SPOCK1: variants seen among roughly 807,000 people sequenced by gnomAD.
The protein encoded by SPOCK1 is SPARC (osteonectin), cwcv and kazal like domains proteoglycan 1.
SPOCK1 carries 23 observed loss-of-function variants against 55.3 expected under a neutral mutation model. That is an observed-to-expected ratio of 0.42 (90% confidence interval 0.30 to 0.59). SPOCK1 has a LOEUF of 0.59. Ranked by LOEUF, SPOCK1 falls within the 20% of genes least tolerant of loss-of-function variation. The pLI is 0.22. For missense variants in SPOCK1, 499 were observed against 552.5 expected, an observed-to-expected ratio of 0.90 and a Z score of 0.97; for synonymous variants, 226 against 221.0, an observed-to-expected ratio of 1.02 and a Z score of -0.20.
At chr5:137,204,947 C>T (rs1755493474) in intron 3 of SPOCK1, among the ~76,000 whole-genome samples, 1 of 152,202 alleles carries the variant, frequency 6.6e-6, no homozygotes, top group Non-Finnish European at 1.5e-5. Context: ...CTCCACCACC[C>T]TTTGCTTGGC....
intron 7 of SPOCK1, among the ~76,000 whole-genome samples, chr5:136,990,951 G>A (rs1750938118): frequency 6.6e-6 from 1 of 152,054 alleles, no homozygotes; most frequent in African/African-American, 2.4e-5. Context: ...AGAGTGCAGG[G>A]ACCAAGCAGG....
chr5:137,406,797 A>G (rs1010358946), intron 2 of SPOCK1, among the ~76,000 whole-genome samples: 1 of 152,208 alleles, frequency 6.6e-6, no homozygotes, highest in Non-Finnish European at 1.5e-5. Context: ...ACCTCACCCC[A>G]GTGTTCACAC....
intron 2 of SPOCK1, chr5:137,365,474 T>C (rs1354007532): frequency 1.3e-5 from 2 of 152,210 alleles, no homozygotes. Flanking sequence ...GTTTCTCTCT[T>C]TAAATAGAGG....
At chr5:137,284,919 T>G (rs1757233343) in intron 2 of SPOCK1, among the ~76,000 whole-genome samples, 1 of 135,940 alleles carries the variant, frequency 7.4e-6, no homozygotes, top group Non-Finnish European at 1.6e-5. Flanking sequence ...GGCTCCTGGG[T>G]AGAGATGGGC....
intron 3 of SPOCK1, among the ~76,000 whole-genome samples, chr5:137,218,092 G>C (rs1755755414): frequency 6.6e-6 from 1 of 152,162 alleles, no homozygotes; most frequent in African/African-American, 2.4e-5. Flanking sequence ...CCACTGACTT[G>C]TGACCACAAA....
chr5:136,998,174 G>A (rs904425146), intron 6 of SPOCK1, among the ~76,000 whole-genome samples: 1 of 152,140 alleles, frequency 6.6e-6, no homozygotes, highest in Non-Finnish European at 1.5e-5. Context: ...TTGTATTGTT[G>A]TGCGTTTTTT....
At chr5:137,356,320 G>A (rs543174114) in intron 2 of SPOCK1, among the ~76,000 whole-genome samples, 1 of 152,304 alleles carries the variant, frequency 6.6e-6, no homozygotes, top group East Asian at 1.9e-4. Context: ...ATGCATAAGA[G>A]ATCTTGGTAT....
At chr5:137,339,425 C>A (rs970918470) in intron 2 of SPOCK1, among the ~76,000 whole-genome samples, 1 of 152,140 alleles carries the variant, frequency 6.6e-6, no homozygotes, top group Non-Finnish European at 1.5e-5. Context: ...TATATAAAGG[C>A]CTTTAAGACT....
intron 2 of SPOCK1, among the ~76,000 whole-genome samples, chr5:137,283,134 C>T (rs976736029): frequency 6.6e-6 from 1 of 152,154 alleles, no homozygotes; most frequent in Admixed American, 6.5e-5. Flanking sequence ...TCCTTGGGGA[C>T]GGAGCTGCCT....
chr5:137,271,900 G>A (rs961560974), intron 2 of SPOCK1, among the ~76,000 whole-genome samples: 10 of 152,218 alleles, frequency 6.6e-5, no homozygotes, highest in Middle Eastern at 3.4e-3. Context: ...GAACCCTGCC[G>A]TTTCATCTGA....
chr5:137,369,851 C>T (rs982094053), intron 2 of SPOCK1, among the ~76,000 whole-genome samples: 14 of 152,154 alleles, frequency 9.2e-5, no homozygotes, highest in Non-Finnish European at 4.4e-5. Flanking sequence ...ATGAAGTCTA[C>T]ACCCCCATGA....
chr5:137,336,315 G>A (rs1380278087), intron 2 of SPOCK1, among the ~76,000 whole-genome samples: 2 of 152,168 alleles, frequency 1.3e-5, no homozygotes, highest in Admixed American at 6.5e-5. Context: ...AGGCCCTGCA[G>A]CCTGGTTTGC....
chr5:137,475,568 CTTTATTTATTTA>C lies in SPOCK1; in HGVS notation c.186+22793_186+22804del, dbSNP rs34929130. Reference sequence around the variant, plus strand: ...ATAATTAATGTATCACCTAAAGTATCTTTATTTATTTATTTATTTATTTATTTATTTTGAGAC... The same window carrying C: ...ATAATTAATGTATCACCTAAAGTATCTTTATTTATTTATTTATTTTGAGAC... On this transcript the variant is annotated intron_variant, in intron 2 of 10. Transcript: ENST00000394945. Among the ~76,000 whole-genome samples, 4 of 150,108 alleles carry C rather than the reference CTTTATTTATTTA, an allele frequency of 2.7e-5. No homozygotes were observed. The East Asian group carries it at 5.8e-4, about 22-fold the overall frequency.
At chr5:137,235,637 T>G (rs866012239) in intron 3 of SPOCK1, among the ~76,000 whole-genome samples, 7 of 152,254 alleles carry the variant, frequency 4.6e-5, no homozygotes, top group African/African-American at 9.6e-5. Flanking sequence ...CGTGTCTGTG[T>G]GAAAACACTG....
intron 2 of SPOCK1, among the ~76,000 whole-genome samples, chr5:137,329,955 A>G (rs1351794228): frequency 6.6e-6 from 1 of 152,120 alleles, no homozygotes; most frequent in Non-Finnish European, 1.5e-5. Context: ...CTGGCCCTCA[A>G]ACTAGGCTCA....
At chr5:137,162,468 A>G (rs1227235228) in intron 3 of SPOCK1, among the ~76,000 whole-genome samples, 1 of 152,036 alleles carries the variant, frequency 6.6e-6, no homozygotes, top group East Asian at 1.9e-4. Context: ...AAGACTATGA[A>G]AGAATGTGTG....
At chr5:137,356,447 C>G (rs527670554) in intron 2 of SPOCK1, among the ~76,000 whole-genome samples, 1 of 152,024 alleles carries the variant, frequency 6.6e-6, no homozygotes, top group East Asian at 2.0e-4. Context: ...TCTTTTGTTG[C>G]TGTTGTCATT....
At chr5:137,347,986 G>A (rs919194218) in intron 2 of SPOCK1, among the ~76,000 whole-genome samples, 1 of 152,188 alleles carries the variant, frequency 6.6e-6, no homozygotes, top group Non-Finnish European at 1.5e-5. Context: ...GTCAGCAGCA[G>A]GGCCTGGCTT....
chr5:137,358,227 C>CA (rs1050962775), intron 2 of SPOCK1, among the ~76,000 whole-genome samples: 6 of 151,770 alleles, frequency 4.0e-5, no homozygotes, highest in Non-Finnish European at 8.8e-5. Flanking sequence ...TTCCCAAGGC[C>CA]AAAAAATCAC....
Sources: gnomAD v4.1 joint callset for allele counts (sites outside exome capture counted in the v4.1 genomes callset) on GRCh38, gnomAD v4.1.1 for gene constraint, MANE v1.5 for transcripts, NCBI Gene and HGNC (gene_info 2026-07-23, HGNC 2026-07-21) for gene names.